LRRK2: variants seen among roughly 807,000 people sequenced by gnomAD.
LRRK2 encodes the protein leucine rich repeat kinase 2, also known as leucine-rich repeat serine/threonine-protein kinase 2.
LRRK2 carries 203 observed loss-of-function variants against 302.6 expected under a neutral mutation model. The ratio of observed to expected loss-of-function variants is 0.67; its 90% CI spans 0.60 to 0.75. The LOEUF (loss-of-function observed/expected upper bound fraction) is 0.75. LRRK2 is among the 30% of genes least tolerant of loss of function. The pLI is 0.00. For missense variants in LRRK2, 2,830 were observed against 2,951.0 expected (o/e 0.96, Z 0.95); for synonymous variants, 1,066 against 1,031.9 (o/e 1.03, Z -0.63).
At chr12:40,237,823 C>CA in intron 4 of LRRK2, 146 bp from the exon 5 acceptor site, 1 of 753,002 alleles carries the variant, frequency 1.3e-6, no homozygotes, top group Non-Finnish European at 2.2e-6. Flanking sequence ...AGTAGTTTAT[C>CA]AACAAACAAA....
chr12:40,365,337 G>T, intron 49 of LRRK2: 1 of 315,644 alleles, frequency 3.2e-6, no homozygotes, highest in Non-Finnish European at 5.9e-6. Context: ...GGAAATACAT[G>T]GTATTGAATA....
intron 18 of LRRK2, among the ~76,000 whole-genome samples, chr12:40,283,083 CA>C (rs1943775036): frequency 6.6e-6 from 1 of 152,240 alleles, no homozygotes; most frequent in African/African-American, 2.4e-5. Flanking sequence ...CAGAATTTAG[CA>C]CAGTAACTGA....
intron 6 of LRRK2, 83 bp from the exon 7 acceptor site, chr12:40,243,467 A>G: frequency 6.8e-7 from 1 of 1,461,938 alleles, no homozygotes; most frequent in Non-Finnish European, 9.5e-7. Flanking sequence ...ATCTATTTAC[A>G]GTCTATATAA....
intron 34 of LRRK2, among the ~76,000 whole-genome samples, chr12:40,320,716 CT>C (rs1304766251): frequency 6.6e-6 from 1 of 151,932 alleles, no homozygotes; most frequent in Non-Finnish European, 1.5e-5. Context: ...TAAATATACA[CT>C]TTTTTTCTAG....
intron 3 of LRRK2, 28 bp from the exon 4 acceptor site, chr12:40,235,598 T>C: frequency 6.9e-7 from 1 of 1,456,034 alleles, no homozygotes; most frequent in South Asian, 1.1e-5. Flanking sequence ...TATTTCATTC[T>C]TATCTTGATT....
Position 40,294,840 on chromosome 12 carries a change from A to C in LRRK2, c.2809-5A>C. 4 of 1,489,624 alleles carry C rather than the reference A, an allele frequency of 2.7e-6. No homozygotes were observed. The highest frequency in any genetic ancestry group is 3.7e-6 in the Non-Finnish European group (4 of 1,072,824). 92.3% of individuals were successfully genotyped at this position (1,489,624 alleles called of 1,614,324 possible). The stretch of plus-strand genomic sequence containing the variant: ...GCAATTTTATTATAAATTATTTTTT[A>C]ATAGGGGCCCATTTTTGATCATGAA... On this transcript the variant is annotated splice_polypyrimidine_tract_variant and splice_region_variant and intron_variant, in intron 21 of 50. Coordinates refer to ENST00000298910, the MANE Select transcript of LRRK2 (RefSeq NM_198578.4).
At chr12:40,235,753 A>T (rs776272957) in intron 4 of LRRK2, 39 bp downstream of exon 4, 15 of 1,267,854 alleles carry the variant, frequency 1.2e-5, no homozygotes, top group South Asian at 1.1e-4. Flanking sequence ...ATTCAAATTA[A>T]AAAAAAAGTT....
chr12:40,266,601 T>C (rs1301085693), intron 14 of LRRK2, among the ~76,000 whole-genome samples: 1 of 152,124 alleles, frequency 6.6e-6, no homozygotes, highest in Non-Finnish European at 1.5e-5. Flanking sequence ...TGGCGATTCC[T>C]CAGGGATCTA....
chr12:40,235,793 G>GTTTTTTTT (rs36024911), intron 4 of LRRK2, 79 bp downstream of exon 4: 41 of 464,360 alleles, frequency 8.8e-5, no homozygotes, highest in East Asian at 2.2e-4. Context: ...GTGTGTGTGT[G>GTTTTTTTT]TTTTTTTTTT....
At chr12:40,305,615 C>G (rs1944789881) in intron 27 of LRRK2, among the ~76,000 whole-genome samples, 170 bp from the exon 28 acceptor site, 1 of 151,960 alleles carries the variant, frequency 6.6e-6, no homozygotes, top group African/African-American at 2.4e-5. Context: ...TGTTTTTAAA[C>G]ACATACTGAC....
chr12:40,229,928 C>T (rs2708440), intron 2 of LRRK2, among the ~76,000 whole-genome samples: 143,841 of 147,902 alleles, frequency 0.97, 70,060 homozygotes, highest in Middle Eastern at 1. Flanking sequence ...TTTGTAGGTA[C>T]AGAGATGAGT....
At chr12:40,362,507 A>G (rs1266061974) in intron 47 of LRRK2, among the ~76,000 whole-genome samples, 1 of 151,986 alleles carries the variant, frequency 6.6e-6, no homozygotes, top group East Asian at 1.9e-4. Context: ...TAGAAAATAC[A>G]TTGTCCTCAT....
intron 6 of LRRK2, among the ~76,000 whole-genome samples, chr12:40,243,251 T>C (rs1941820348): frequency 6.6e-6 from 1 of 152,142 alleles, no homozygotes; most frequent in Non-Finnish European, 1.5e-5. Flanking sequence ...GTACTTTTCC[T>C]TTCATTTTCA....
intron 13 of LRRK2, among the ~76,000 whole-genome samples, chr12:40,260,218 T>A (rs959957586): frequency 6.6e-6 from 1 of 151,964 alleles, no homozygotes; most frequent in Non-Finnish European, 1.5e-5. Flanking sequence ...AAAAGATGAA[T>A]TGGAAAAAAA....
In LRRK2 at chr12:40,232,261, T is replaced by G. The variant is rs1941237105; in HGVS notation, c.238-13T>G. ...CTTTAAAACATGTGAATATATGTCT[T>G]TCTTGTTTTCAGGTGGGTTGGTCAC... On this transcript the variant is annotated splice_polypyrimidine_tract_variant and intron_variant, in intron 2 of 50. Transcript: ENST00000298910. The G allele has an allele frequency of 6.3e-7, 1 of 1,586,258 alleles. No homozygotes were observed. Among genetic ancestry groups the G allele is most frequent in the African/African-American group, 1.3e-5 (1 of 74,294 alleles).
rs374715956 is a variant in LRRK2, at chr12:40,278,133, G to T, written c.2113G>T (p.Asp705Tyr). The T allele has an allele frequency of 1.9e-6, 3 of 1,613,940 alleles. No homozygotes were observed. Among genetic ancestry groups the T allele is most frequent in the Non-Finnish European group, 2.5e-6 (3 of 1,179,982 alleles). The part of the protein sequence containing the change: ...CCKCFAKVAM[D>Y]DYLKNVMLER... The stretch of plus-strand genomic sequence containing the variant: ...CAAGTGTTTTGCAAAAGTAGCTATG[G>T]ATGATTACTTAAAAAATGTGATGCT... Residue 705 changes from aspartate to tyrosine, a missense_variant, in exon 18 of 51, where the codon GAT (aspartate) becomes TAT (tyrosine). Physicochemically the swap from Asp to Tyr is radical, Grantham distance 160. Transcript: ENST00000298910.
At chr12:40,259,720 T>A in intron 13 of LRRK2, 116 bp downstream of exon 13, 3 of 1,341,554 alleles carry the variant, frequency 2.2e-6, no homozygotes, top group Non-Finnish European at 3.1e-6. Flanking sequence ...CGACTAAATG[T>A]AAATCTTTCT....
intron 39 of LRRK2, among the ~76,000 whole-genome samples, chr12:40,332,352 T>G (rs61915592): frequency 2.0e-5 from 3 of 152,204 alleles, no homozygotes; most frequent in Non-Finnish European, 4.4e-5. Context: ...CTCTCTTGTT[T>G]GGATTCTACT....
Position 40,342,029 on chromosome 12 carries a change from G to A in LRRK2, c.6109+1575G>A, listed in dbSNP as rs143076755. 3.5e-3 allele frequency among the ~76,000 whole-genome samples: 526 copies of A among 152,354 alleles called. 5 individuals carry two copies. The highest frequency in any genetic ancestry group is 0.012 in the African/African-American group (508 of 41,578). ...AAAGATCTGCTCATTTTTGTCATGGGACATGAAGGTGGACTGGACCACTCA... is the reference window on the plus strand; with the variant it reads ...AAAGATCTGCTCATTTTTGTCATGGAACATGAAGGTGGACTGGACCACTCA... On this transcript the variant is annotated intron_variant, in intron 41 of 50. Coordinates refer to ENST00000298910, the MANE Select transcript of LRRK2 (RefSeq NM_198578.4).
Sources: gnomAD v4.1 joint callset for allele counts (sites outside exome capture counted in the v4.1 genomes callset) on GRCh38, gnomAD v4.1.1 for gene constraint, MANE v1.5 for transcripts, NCBI Gene and HGNC (gene_info 2026-07-23, HGNC 2026-07-21) for gene names.